The following DLGAP1 variants were observed in gnomAD, a reference collection of about 807,000 sequenced individuals.
DLGAP1 encodes disks large-associated protein 1.
Under a neutral mutation model 90.8 loss-of-function variants are expected in DLGAP1, and 11 were observed. The ratio of observed to expected loss-of-function variants is 0.12; its 90% CI spans 0.08 to 0.20. The LOEUF (loss-of-function observed/expected upper bound fraction) is 0.20, where lower values mean the gene tolerates loss of function less well. Among genes scored for constraint, DLGAP1 ranks in the 10% least tolerant of loss-of-function variants. The pLI, the probability that DLGAP1 is intolerant of heterozygous loss-of-function variation, is 1.00. For synonymous variants in DLGAP1, 558 were observed against 540.7 expected (o/e 1.03, Z -0.44); for missense variants, 1,050 against 1,333.8 (o/e 0.79, Z 3.31).
At chr18:4,063,057 T>A (rs2075320778) in intron 2 of DLGAP1, among the ~76,000 whole-genome samples, 1 of 152,070 alleles carries the variant, frequency 6.6e-6, no homozygotes, top group African/African-American at 2.4e-5. Context: ...TTTAGACAAA[T>A]AAATTGGCTA....
intron 1 of DLGAP1, among the ~76,000 whole-genome samples, chr18:4,429,037 G>C (rs942178174): frequency 1.3e-5 from 2 of 152,070 alleles, no homozygotes; most frequent in Admixed American, 6.6e-5. Context: ...GGATCTAAAA[G>C]GATTTTTCAA....
At chr18:3,943,994 G>T (rs2072825837) in intron 3 of DLGAP1, among the ~76,000 whole-genome samples, 1 of 152,160 alleles carries the variant, frequency 6.6e-6, no homozygotes, top group Non-Finnish European at 1.5e-5. Context: ...CCAGCCTTCA[G>T]AACATAAGGA....
chr18:4,364,052 C>T lies in DLGAP1; in HGVS notation c.-267+90954G>A, dbSNP rs1268311580. On this transcript the variant is annotated intron_variant, in intron 1 of 12. Coordinates refer to ENST00000315677, the MANE Select transcript of DLGAP1 (RefSeq NM_004746.4). The stretch of plus-strand genomic sequence containing the variant: ...CTGGATTAAGAAAATGTGGCACATA[C>T]ACACCATGGAATACTATGCAGCCAT... Among the ~76,000 whole-genome samples, 8 of 151,520 alleles carry T rather than the reference C, an allele frequency of 5.3e-5. No homozygotes were observed. In the East Asian group the frequency reaches 1.4e-3, roughly 26 times the overall value.
At chr18:3,837,460 T>G (rs1568217642) in intron 4 of DLGAP1, among the ~76,000 whole-genome samples, 1 of 152,218 alleles carries the variant, frequency 6.6e-6, no homozygotes, top group Non-Finnish European at 1.5e-5. Context: ...CTCTTTCTTT[T>G]CATAAACAAA....
chr18:4,406,182 T>C (rs1008609536), intron 1 of DLGAP1, among the ~76,000 whole-genome samples: 2 of 152,220 alleles, frequency 1.3e-5, no homozygotes, highest in South Asian at 4.2e-4. Context: ...TATTGCCCTA[T>C]GCAGATGAAA....
chr18:4,228,258 C>G (rs1362365873), intron 1 of DLGAP1, among the ~76,000 whole-genome samples: 1 of 151,924 alleles, frequency 6.6e-6, no homozygotes, highest in Non-Finnish European at 1.5e-5. Flanking sequence ...GGCTTCACTG[C>G]TGAATGTTAC....
intron 4 of DLGAP1, among the ~76,000 whole-genome samples, chr18:3,823,498 G>A (rs1019201043): frequency 3.3e-4 from 50 of 152,312 alleles, no homozygotes; most frequent in African/African-American, 1.2e-3. Flanking sequence ...AAATGTTACA[G>A]CTTGTCAGAA....
At chr18:4,355,741 T>C (rs1567857038) in intron 1 of DLGAP1, among the ~76,000 whole-genome samples, 2 of 72,952 alleles carry the variant, frequency 2.7e-5, no homozygotes, top group Admixed American at 1.8e-4. Flanking sequence ...CAATCCGGGA[T>C]CTTTTTTTTT....
chr18:3,809,594 C>G lies in DLGAP1; in HGVS notation c.1172+4465G>C, dbSNP rs1334691572. The stretch of plus-strand genomic sequence containing the variant: ...TTGCAACAGCCTGGAATCCTTCTCC[C>G]CAGTTTCAGAGGAGTTTCAAAATCT... On this transcript the variant is annotated intron_variant, in intron 5 of 12. Transcript: ENST00000315677. Among the ~76,000 whole-genome samples the G allele has an allele frequency of 8.5e-5, 13 of 152,296 alleles. No individual in the cohort carries two copies. The East Asian group carries it at 2.1e-3, about 25-fold the overall frequency.
chr18:3,921,246 C>T (rs1274091551), intron 3 of DLGAP1, among the ~76,000 whole-genome samples: 2 of 152,082 alleles, frequency 1.3e-5, no homozygotes, highest in Non-Finnish European at 2.9e-5. Flanking sequence ...ATTCTGAACC[C>T]CATTTTCTGC....
At chr18:3,927,967 C>T (rs1407836132) in intron 3 of DLGAP1, among the ~76,000 whole-genome samples, 4 of 152,146 alleles carry the variant, frequency 2.6e-5, no homozygotes, top group Non-Finnish European at 4.4e-5. Flanking sequence ...GCATACCAGT[C>T]ATGTTAACCA....
chr18:4,196,005 T>C (rs1327333979), intron 1 of DLGAP1, among the ~76,000 whole-genome samples: 1 of 152,186 alleles, frequency 6.6e-6, no homozygotes, highest in Non-Finnish European at 1.5e-5. Context: ...GGTTAGCTGG[T>C]TCTCATGCCT....
At chr18:4,134,611 CCTT>C (rs2076370403) in intron 2 of DLGAP1, among the ~76,000 whole-genome samples, 1 of 152,220 alleles carries the variant, frequency 6.6e-6, no homozygotes, top group East Asian at 1.9e-4. Flanking sequence ...GAGAAACCCT[CCTT>C]GTGTCCCTCA....
chr18:3,562,140 T>G (rs909497781), intron 9 of DLGAP1, among the ~76,000 whole-genome samples: 12 of 152,086 alleles, frequency 7.9e-5, no homozygotes, highest in African/African-American at 2.9e-4. Context: ...GGCAGGAGAA[T>G]TGCTTGAACC....
At chr18:4,025,454 T>C (rs1041560629) in intron 2 of DLGAP1, among the ~76,000 whole-genome samples, 1 of 152,172 alleles carries the variant, frequency 6.6e-6, no homozygotes, top group African/African-American at 2.4e-5. Context: ...GAAGCACTTA[T>C]AGACCCAAGC....
At chr18:3,778,166 C>A (rs963314301) in intron 5 of DLGAP1, among the ~76,000 whole-genome samples, 2 of 152,076 alleles carry the variant, frequency 1.3e-5, no homozygotes, top group Admixed American at 1.3e-4. Context: ...CAAGGCTGGG[C>A]ACGATGGCTC....
intron 5 of DLGAP1, among the ~76,000 whole-genome samples, chr18:3,758,880 A>AGTTTTGCAAAATTAATTAAT (rs1364362026): frequency 2.6e-5 from 4 of 152,176 alleles, no homozygotes; most frequent in Admixed American, 2.6e-4. Context: ...GCAACAACAC[A>AGTTTTGCAAAATTAATTAAT]GTTTTCCTTA....
chr18:3,873,045 A>T (rs957477553), intron 4 of DLGAP1, among the ~76,000 whole-genome samples: 1 of 152,208 alleles, frequency 6.6e-6, no homozygotes, highest in Admixed American at 6.5e-5. Flanking sequence ...GAAGGCCAAG[A>T]ATAATAAAGT....
At chr18:3,606,112 C>G (rs144878198) in intron 7 of DLGAP1, among the ~76,000 whole-genome samples, 2 of 152,172 alleles carry the variant, frequency 1.3e-5, no homozygotes, top group African/African-American at 4.8e-5. Flanking sequence ...TTTTGGCATC[C>G]TGACCCTTTG....
Sources: allele counts gnomAD v4.1 joint callset (sites outside exome capture counted in the v4.1 genomes callset), GRCh38; gene constraint gnomAD v4.1.1; transcripts MANE v1.5; gene names NCBI Gene and HGNC (gene_info 2026-07-23, HGNC 2026-07-21).